The following HIPK2 variants were observed in gnomAD, a reference collection of about 807,000 sequenced individuals.
The protein encoded by HIPK2 is homeodomain interacting protein kinase 2.
In HIPK2, 27 loss-of-function variants were observed where a neutral mutation model predicts 113.7. The observed-to-expected ratio is 0.24, with a 90% confidence interval of 0.17 to 0.33. The LOEUF is 0.33. HIPK2 is among the 10% of genes least tolerant of loss of function. The pLI, the probability that HIPK2 is intolerant of heterozygous loss-of-function variation, is 1.00. For synonymous variants in HIPK2, 631 were observed against 642.2 expected, an observed-to-expected ratio of 0.98 and a Z score of 0.26; for missense variants, 1,257 against 1,588.0, an observed-to-expected ratio of 0.79 and a Z score of 3.54.
chr7:139,624,481 T>C (rs1371231863), intron 6 of HIPK2, among the ~76,000 whole-genome samples: 6 of 149,372 alleles, frequency 4.0e-5, no homozygotes, highest in African/African-American at 1.5e-4. Context: ...CCAGTGACTC[T>C]TGTTCTCAAC....
chr7:139,702,614 G>T (rs1263650797), intron 2 of HIPK2, among the ~76,000 whole-genome samples: 1 of 152,190 alleles, frequency 6.6e-6, no homozygotes, highest in Non-Finnish European at 1.5e-5. Context: ...GGTTGCCACA[G>T]GGGAAAGCTG....
intron 1 of HIPK2, among the ~76,000 whole-genome samples, chr7:139,726,037 T>G (rs936418232): frequency 2.6e-5 from 4 of 152,362 alleles, no homozygotes; most frequent in African/African-American, 9.6e-5. Context: ...ATACGTCACC[T>G]GATAAAATAG....
At chr7:139,731,501 C>A (rs544028819) in intron 1 of HIPK2, among the ~76,000 whole-genome samples, 1 of 152,330 alleles carries the variant, frequency 6.6e-6, no homozygotes, top group South Asian at 2.1e-4. Flanking sequence ...CTTTTCTAAA[C>A]CTCAACTTCT....
intron 1 of HIPK2, among the ~76,000 whole-genome samples, chr7:139,752,033 T>TA (rs1796286746): frequency 6.6e-6 from 1 of 152,222 alleles, no homozygotes; most frequent in Non-Finnish European, 1.5e-5. Flanking sequence ...ATACTTTGTA[T>TA]ATTCTCTGGA....
At chr7:139,686,738 A>G (rs1275108601) in intron 2 of HIPK2, among the ~76,000 whole-genome samples, 1 of 152,188 alleles carries the variant, frequency 6.6e-6, no homozygotes, top group African/African-American at 2.4e-5. Context: ...AGTCTCGGGT[A>G]TTTCTTCATA....
chr7:139,601,902 C>T (rs921074717), intron 10 of HIPK2, among the ~76,000 whole-genome samples: 7 of 150,988 alleles, frequency 4.6e-5, no homozygotes, highest in East Asian at 1.9e-4. Flanking sequence ...ATTTTGATAG[C>T]GCCTTTTGGG....
Position 139,565,800 on chromosome 7 carries a change from C to G in HIPK2, c.*7127G>C, listed in dbSNP as rs1798074508. The G allele has an allele frequency of 6.6e-6, 1 of 151,010 alleles. No homozygotes were observed. Among genetic ancestry groups the G allele is most frequent in the South Asian group, 2.1e-4 (1 of 4,788 alleles). 9.4% of individuals were successfully genotyped at this position (151,010 alleles called of 1,614,324 possible). On this transcript the variant is annotated 3_prime_UTR_variant, in exon 15 of 15. Transcript: ENST00000406875. ...TGGTATTTACAAATTTGGTGTGAAC[C>G]CTGCCTCTGGTTCTGCCCAGAGCTG...
intron 2 of HIPK2, among the ~76,000 whole-genome samples, chr7:139,665,656 A>C (rs1259254425): frequency 1.3e-5 from 2 of 152,054 alleles, no homozygotes; most frequent in Non-Finnish European, 2.9e-5. Context: ...ACTAACCAGA[A>C]ATCTACAAGC....
In HIPK2 at chr7:139,699,387, T is replaced by C. The variant is rs1047636008; in HGVS notation, c.1103+16545A>G. 2.0e-5 allele frequency among the ~76,000 whole-genome samples: 3 copies of C among 152,158 alleles called. No individual in the cohort carries two copies. In the South Asian group the frequency reaches 6.2e-4, roughly 32 times the overall value. ...AGTGTGGTGAGTCTCGCTTGCTAGA[T>C]GGAAAGGAGGATAATGTGAATATGT... On this transcript the variant is annotated intron_variant, in intron 2 of 14. Coordinates refer to ENST00000406875, the MANE Select transcript of HIPK2 (RefSeq NM_022740.5).
chr7:139,614,601 C>T (rs1205948321), intron 7 of HIPK2, 108 bp from the exon 8 acceptor site: 1 of 769,634 alleles, frequency 1.3e-6, no homozygotes, highest in East Asian at 3.4e-5. Flanking sequence ...CAAAGAAGAA[C>T]AAACAAACAA....
chr7:139,766,386 T>A (rs1042726012), intron 1 of HIPK2, among the ~76,000 whole-genome samples: 4 of 152,258 alleles, frequency 2.6e-5, no homozygotes, highest in Admixed American at 6.5e-5. Flanking sequence ...CAAAGGGGAC[T>A]CATGGCTTGG....
chr7:139,712,464 C>T (rs944864936), intron 2 of HIPK2, among the ~76,000 whole-genome samples: 1 of 152,194 alleles, frequency 6.6e-6, no homozygotes, highest in Admixed American at 6.5e-5. Flanking sequence ...TGTCCTGGGA[C>T]GATAATGTGC....
At chr7:139,741,928 C>T (rs567762350) in intron 1 of HIPK2, among the ~76,000 whole-genome samples, 9 of 152,326 alleles carry the variant, frequency 5.9e-5, no homozygotes, top group Admixed American at 5.2e-4. Flanking sequence ...CTAAGCCTCA[C>T]GGCAACCCTG....
At chr7:139,588,862 G>C (rs1018661980) in intron 12 of HIPK2, among the ~76,000 whole-genome samples, 1 of 152,222 alleles carries the variant, frequency 6.6e-6, no homozygotes, top group East Asian at 1.9e-4. Context: ...GAGGGCCAGG[G>C]GAAGAGCTGG....
intron 12 of HIPK2, among the ~76,000 whole-genome samples, chr7:139,593,030 T>TA (rs1050322716): frequency 1.3e-5 from 2 of 152,228 alleles, no homozygotes; most frequent in Non-Finnish European, 1.5e-5. Flanking sequence ...GACAATACTC[T>TA]AGACTCCCTA....
At chr7:139,704,004 C>A (rs1794800362) in intron 2 of HIPK2, among the ~76,000 whole-genome samples, 1 of 139,578 alleles carries the variant, frequency 7.2e-6, no homozygotes, top group Non-Finnish European at 1.5e-5. Flanking sequence ...ACACCACACC[C>A]AACATATACC....
chr7:139,657,674 C>T (rs1266601478), intron 2 of HIPK2, among the ~76,000 whole-genome samples: 2 of 152,226 alleles, frequency 1.3e-5, no homozygotes, highest in East Asian at 1.9e-4. Context: ...TCCCTTCACA[C>T]ACCTTCCATT....
chr7:139,720,879 C>G (rs1443510531), intron 1 of HIPK2, among the ~76,000 whole-genome samples: 1 of 152,132 alleles, frequency 6.6e-6, no homozygotes, highest in Non-Finnish European at 1.5e-5. Flanking sequence ...TCAAAAAGAT[C>G]TTGGTGGAAA....
At chr7:139,609,884 T>C (rs781236527) in intron 9 of HIPK2, among the ~76,000 whole-genome samples, 1 of 152,254 alleles carries the variant, frequency 6.6e-6, no homozygotes, top group Non-Finnish European at 1.5e-5. Context: ...CATGTTCTTT[T>C]AATGGCTACA....
Sources: allele counts gnomAD v4.1 joint callset (sites outside exome capture counted in the v4.1 genomes callset), GRCh38; gene constraint gnomAD v4.1.1; transcripts MANE v1.5; gene names NCBI Gene and HGNC (gene_info 2026-07-23, HGNC 2026-07-21).